PLB1: variants seen among roughly 807,000 people sequenced by gnomAD.
PLB1 encodes the protein phospholipase B1, membrane-associated.
PLB1 carries 242 observed loss-of-function variants against 227.4 expected under a neutral mutation model. The ratio of observed to expected loss-of-function variants is 1.06; its 90% CI spans 0.96 to 1.18. The LOEUF (loss-of-function observed/expected upper bound fraction) is 1.18, where lower values mean the gene tolerates loss of function less well. PLB1 is among the 50% of genes most tolerant of loss of function. The pLI, the probability that PLB1 is intolerant of heterozygous loss-of-function variation, is 0.00. For synonymous variants in PLB1, 757 were observed against 682.2 expected (o/e 1.11, Z -1.71); for missense variants, 1,858 against 1,816.3 (o/e 1.02, Z -0.42).
At chr2:28,529,081 A>G (rs1236031558) in intron 6 of PLB1, among the ~76,000 whole-genome samples, 6 of 150,876 alleles carry the variant, frequency 4.0e-5, no homozygotes, top group African/African-American at 7.3e-5. Context: ...CTAAGTAGCT[A>G]TGACCACAGG....
chr2:28,632,000 CCAGGAGGGTTGAG>C, intron 54 of PLB1, 23 bp from the exon 55 acceptor site: 1 of 1,563,996 alleles, frequency 6.4e-7, no homozygotes, highest in Non-Finnish European at 8.8e-7. Context: ...TGCAGCCTTG[CCAGGAGGGTTGAG>C]CAGCTTCTCT....
intron 1 of PLB1, among the ~76,000 whole-genome samples, chr2:28,501,282 A>G (rs1025505698): frequency 1.3e-5 from 2 of 152,228 alleles, no homozygotes; most frequent in African/African-American, 2.4e-5. Flanking sequence ...CCTACAATAC[A>G]TACAACACAG....
At chr2:28,635,750 CTCTGCCTTCT>C (rs1397852147) in intron 56 of PLB1, among the ~76,000 whole-genome samples, 1 of 152,216 alleles carries the variant, frequency 6.6e-6, no homozygotes, top group Admixed American at 6.5e-5. Flanking sequence ...TTTCCTCTTC[CTCTGCCTTCT>C]TCTGTCTTCT....
At chr2:28,635,656 T>C (rs1281988440) in intron 56 of PLB1, among the ~76,000 whole-genome samples, 3 of 137,276 alleles carry the variant, frequency 2.2e-5, no homozygotes, top group Non-Finnish European at 3.4e-5. Context: ...TTTCATCTTA[T>C]TTCATCTCCT....
chr2:28,619,296 CAT>C (rs1439798726), intron 46 of PLB1, among the ~76,000 whole-genome samples: 1 of 152,118 alleles, frequency 6.6e-6, no homozygotes, highest in African/African-American at 2.4e-5. Flanking sequence ...ACCAGCCCCA[CAT>C]GTGTGTGAAT....
At chr2:28,525,999 C>T (rs1670209365) in intron 6 of PLB1, 54 bp downstream of exon 6, 10 of 1,591,996 alleles carry the variant, frequency 6.3e-6, no homozygotes, top group Non-Finnish European at 7.8e-6. Context: ...CTTCCCAACA[C>T]AGCAGCATCC....
At chr2:28,545,103 C>T (rs892162152) in intron 14 of PLB1, among the ~76,000 whole-genome samples, 1 of 152,134 alleles carries the variant, frequency 6.6e-6, no homozygotes, top group African/African-American at 2.4e-5. Context: ...AGAATGAGCA[C>T]GTACACAGGA....
Position 28,604,701 on chromosome 2 carries a change from A to C in PLB1, c.2903A>C (p.Glu968Ala). Residue 968 changes from glutamate (E) to alanine (A), a missense_variant, in exon 41 of 58, where the codon GAG (glutamate) becomes GCG (alanine). Coordinates refer to ENST00000327757, the MANE Select transcript of PLB1 (RefSeq NM_153021.5). ...LVGSGRYDTQ[E>A]DFSVVLQPFF... ...GGGTCAGGCCGCTATGACACGCAGG[A>C]GGACTTCTCTGTGGTGCTGCAGCCC... The C allele has an allele frequency of 6.2e-7, 1 of 1,614,186 alleles. No individual in the cohort carries two copies. Among genetic ancestry groups the C allele is most frequent in the Non-Finnish European group, 8.5e-7 (1 of 1,180,018 alleles).
intron 35 of PLB1, among the ~76,000 whole-genome samples, chr2:28,599,017 C>T (rs112804388): frequency 3.3e-5 from 5 of 152,324 alleles, no homozygotes; most frequent in African/African-American, 4.8e-5. Flanking sequence ...CATAATTGGA[C>T]GAATCGACTA....
chr2:28,591,309 G>A, intron 30 of PLB1, 138 bp downstream of exon 30: 1 of 1,055,726 alleles, frequency 9.5e-7, no homozygotes, highest in Non-Finnish European at 1.5e-6. Context: ...CTGACCTTCA[G>A]ATGGGGTAGT....
intron 9 of PLB1, among the ~76,000 whole-genome samples, chr2:28,537,825 T>G (rs770525895): frequency 6.6e-6 from 1 of 152,072 alleles, no homozygotes; most frequent in Admixed American, 6.5e-5. Context: ...TCTCTAGGAA[T>G]GCTTATCTTA....
intron 55 of PLB1, among the ~76,000 whole-genome samples, chr2:28,632,420 TCTTTTCAA>T (rs1189719376): frequency 3.3e-5 from 5 of 152,036 alleles, no homozygotes; most frequent in African/African-American, 1.2e-4. Flanking sequence ...AAAATGTTAC[TCTTTTCAA>T]CTCTTAGGAT....
intron 17 of PLB1, among the ~76,000 whole-genome samples, chr2:28,557,087 G>C (rs1675259615): frequency 6.6e-6 from 1 of 152,116 alleles, no homozygotes; most frequent in African/African-American, 2.4e-5. Context: ...CATCAGGAAG[G>C]AATGATGCCC....
rs139288097 is a variant in PLB1, at chr2:28,540,235, C to T, written c.699-131C>T. On this transcript the variant is annotated intron_variant, in intron 11 of 57. Transcript: ENST00000327757. ...TTCTCAACATTTATGTCCTCTAAGA[C>T]TTATGCTTCTTCATCCCTACTCCTT... 3,024 of 714,002 alleles carry T rather than the reference C, an allele frequency of 4.2e-3. 47 individuals carry two copies. Among genetic ancestry groups the T allele is most frequent in the Middle Eastern group, 0.027 (100 of 3,656 alleles). 44.2% of individuals were successfully genotyped at this position (714,002 alleles called of 1,614,324 possible).
At chr2:28,508,158 G>C (rs1275488521) in intron 1 of PLB1, among the ~76,000 whole-genome samples, 1 of 152,200 alleles carries the variant, frequency 6.6e-6, no homozygotes, top group Non-Finnish European at 1.5e-5. Context: ...CAGGGAAAGC[G>C]TACTTGACTA....
intron 43 of PLB1, among the ~76,000 whole-genome samples, chr2:28,608,740 C>G (rs1481434736): frequency 1.3e-5 from 2 of 152,118 alleles, no homozygotes; most frequent in African/African-American, 4.8e-5. Context: ...AAGCCCTTGT[C>G]AAAAGTCACC....
At chr2:28,585,735 G>C (rs1473028100) in intron 25 of PLB1, 26 bp from the exon 26 acceptor site, 1 of 1,539,900 alleles carries the variant, frequency 6.5e-7, no homozygotes, top group South Asian at 1.1e-5. Flanking sequence ...GGTGGGATGA[G>C]GGTTTCTCTT....
intron 57 of PLB1, 61 bp from the exon 58 acceptor site, chr2:28,642,797 T>C (rs1454044721): frequency 1.4e-6 from 2 of 1,430,098 alleles, no homozygotes; most frequent in African/African-American, 2.8e-5. Flanking sequence ...AGGCAAGTCT[T>C]GGCTTGGTGA....
At chr2:28,504,938 T>G (rs1205970851) in intron 1 of PLB1, among the ~76,000 whole-genome samples, 1 of 152,192 alleles carries the variant, frequency 6.6e-6, no homozygotes, top group African/African-American at 2.4e-5. Flanking sequence ...GAAAATGTAC[T>G]TATGAGATTC....
Sources: gnomAD v4.1 joint callset for allele counts (sites outside exome capture counted in the v4.1 genomes callset) on GRCh38, gnomAD v4.1.1 for gene constraint, MANE v1.5 for transcripts, NCBI Gene and HGNC (gene_info 2026-07-23, HGNC 2026-07-21) for gene names.